The following LRRC7 variants were observed in gnomAD, a reference collection of about 807,000 sequenced individuals.
LRRC7 encodes leucine-rich repeat-containing protein 7.
A neutral mutation model predicts 175.7 loss-of-function variants in LRRC7; 23 were observed. The ratio of observed to expected loss-of-function variants is 0.13; its 90% confidence interval spans 0.09 to 0.19. LRRC7 has a LOEUF of 0.19. Among genes scored for constraint, LRRC7 ranks in the 10% least tolerant of loss-of-function variants. LRRC7 has a pLI of 1.00. For missense variants in LRRC7, 1,354 were observed against 1,904.7 expected (o/e 0.71, Z 5.38); for synonymous variants, 685 against 680.9 (o/e 1.01, Z -0.09).
intron 18 of LRRC7, among the ~76,000 whole-genome samples, chr1:70,035,876 G>A (rs1219898909): frequency 2.0e-5 from 3 of 151,926 alleles, no homozygotes; most frequent in African/African-American, 7.3e-5. Context: ...ACAGTTCATT[G>A]CACAGTGCCA....
At chr1:69,841,958 G>C (rs1196829305) in intron 7 of LRRC7, among the ~76,000 whole-genome samples, 2 of 152,100 alleles carry the variant, frequency 1.3e-5, no homozygotes, top group African/African-American at 4.8e-5. Flanking sequence ...CTCAATAGCT[G>C]ATAGCCCAGA....
chr1:69,627,367 G>C (rs1651765594), intron 1 of LRRC7, among the ~76,000 whole-genome samples: 1 of 152,200 alleles, frequency 6.6e-6, no homozygotes, highest in African/African-American at 2.4e-5. Context: ...CTGCATAAAG[G>C]TCTTCTTTTG....
intron 8 of LRRC7, among the ~76,000 whole-genome samples, chr1:69,934,589 A>G (rs1341551717): frequency 1.3e-5 from 2 of 151,748 alleles, no homozygotes; most frequent in Non-Finnish European, 2.9e-5. Context: ...AAAAAAATAG[A>G]AAGTTAAAAA....
intron 1 of LRRC7, among the ~76,000 whole-genome samples, chr1:69,670,377 CT>C (rs1328943771): frequency 3.3e-5 from 5 of 152,312 alleles, no homozygotes; most frequent in South Asian, 4.1e-4. Flanking sequence ...GTTTCCCTTA[CT>C]TTCTCCCAAA....
At chr1:69,873,394 G>A (rs1049535963) in intron 7 of LRRC7, 10 of 532,578 alleles carry the variant, frequency 1.9e-5, no homozygotes, top group African/African-American at 1.3e-4. Flanking sequence ...AAACCAATTG[G>A]TAATTATTTT....
At chr1:70,028,631 C>T (rs956479633) in intron 18 of LRRC7, among the ~76,000 whole-genome samples, 1 of 152,056 alleles carries the variant, frequency 6.6e-6, no homozygotes, top group Non-Finnish European at 1.5e-5. Context: ...CAAGGCCTGG[C>T]CAGTGAGTGC....
intron 7 of LRRC7, among the ~76,000 whole-genome samples, chr1:69,868,115 A>C (rs375890384): frequency 3.3e-5 from 5 of 152,110 alleles, no homozygotes; most frequent in African/African-American, 1.2e-4. Context: ...AGATTTATTG[A>C]AGTAAGCCAA....
chr1:70,118,079 A>ACG (rs1304562710), intron 26 of LRRC7, among the ~76,000 whole-genome samples: 90 of 151,900 alleles, frequency 5.9e-4, no homozygotes, highest in African/African-American at 2.0e-3. Context: ...ACACACACAC[A>ACG]CACACACACA....
chr1:69,607,759 C>G (rs558952550), intron 1 of LRRC7: 1 of 152,170 alleles, frequency 6.6e-6, no homozygotes, highest in East Asian at 1.9e-4. Context: ...AGGTACAGTT[C>G]TATCAAAGAC....
rs190216788 is a variant in LRRC7, at chr1:69,588,459, G to A, written c.2+19818G>A. Among the ~76,000 whole-genome samples, 573 of 152,164 alleles carry A rather than the reference G, an allele frequency of 3.8e-3. 1 individual carries two copies. The highest frequency in any genetic ancestry group is 6.3e-3 in the Non-Finnish European group (430 of 67,974). ...AGCAGGCCTATATTCTAAATTATAT[G>A]AAATAATATATTAAGCATGTAGTTT... On this transcript the variant is annotated intron_variant, in intron 1 of 26. Coordinates refer to ENST00000651989, the MANE Select transcript of LRRC7 (RefSeq NM_001370785.2).
chr1:69,895,174 G>A (rs1190857720), intron 7 of LRRC7, among the ~76,000 whole-genome samples: 3 of 152,170 alleles, frequency 2.0e-5, no homozygotes, highest in African/African-American at 7.2e-5. Context: ...AGAGGTTGCA[G>A]TAAGCCAAGA....
At position 70,128,364 on chromosome 1, in the gene LRRC7, A is replaced by AT. The variant is rs898120247; in HGVS notation, c.*6484dup. ...AATCTTTCTCTAGTTTTGAAAGTGT[A>AT]TTTTTTTATCACTGTTGCACAAGTG... On this transcript the variant is annotated 3_prime_UTR_variant, in exon 27 of 27. Transcript: ENST00000651989. 3.1e-4 allele frequency among the ~76,000 whole-genome samples: 47 copies of AT among 151,990 alleles called. No homozygotes were observed. Among genetic ancestry groups the AT allele is most frequent in the Non-Finnish European group, 5.7e-4 (39 of 67,970 alleles).
Position 69,650,539 on chromosome 1 carries a change from C to CAA in LRRC7, c.3-27828_3-27827dup, listed in dbSNP as rs574357981. Among the ~76,000 whole-genome samples the CAA allele has an allele frequency of 3.7e-3, 295 of 79,216 alleles. 19 individuals are homozygous for CAA. The highest frequency in any genetic ancestry group is 0.015 in the African/African-American group (278 of 19,024). 52.0% of individuals were successfully genotyped at this position (79,216 alleles called of 152,430 possible). The stretch of plus-strand genomic sequence containing the variant: ...TGGGCGAAAAAGAGAGACTCCGTCT[C>CAA]AAAAAAAAAAAAAAATGCCAAGCAT... On this transcript the variant is annotated intron_variant, in intron 1 of 26. Coordinates refer to ENST00000651989, the MANE Select transcript of LRRC7 (RefSeq NM_001370785.2).
chr1:69,764,893 T>A (rs1041902861), intron 3 of LRRC7, among the ~76,000 whole-genome samples: 5 of 152,068 alleles, frequency 3.3e-5, no homozygotes, highest in Non-Finnish European at 7.4e-5. Context: ...AAGATTTCCA[T>A]GTTAATTTAC....
Position 70,128,023 on chromosome 1 carries a change from G to T in LRRC7, c.*6136G>T, listed in dbSNP as rs151116530. On this transcript the variant is annotated 3_prime_UTR_variant, in exon 27 of 27. Transcript: ENST00000651989. ...GTCACCCAGGCTGGAGTGCAGTAGC[G>T]CTATCTTGGCTCACTGTAACTTCCA... is the stretch of plus-strand genomic sequence containing the variant. 2.0e-5 allele frequency among the ~76,000 whole-genome samples: 3 copies of T among 151,882 alleles called. No homozygotes were observed. The highest frequency in any genetic ancestry group is 7.3e-5 in the African/African-American group (3 of 41,310).
chr1:69,604,281 C>T (rs998038155), intron 1 of LRRC7, among the ~76,000 whole-genome samples: 1 of 152,106 alleles, frequency 6.6e-6, no homozygotes, highest in African/African-American at 2.4e-5. Context: ...TTCTATCCTA[C>T]AAAGTTAATG....
chr1:69,753,191 T>G (rs1488236777), intron 2 of LRRC7, among the ~76,000 whole-genome samples: 1 of 152,054 alleles, frequency 6.6e-6, no homozygotes, highest in Non-Finnish European at 1.5e-5. Flanking sequence ...CTTTTGATAT[T>G]AAAAGATCAC....
intron 3 of LRRC7, among the ~76,000 whole-genome samples, chr1:69,784,932 T>C (rs1674231422): frequency 6.6e-6 from 1 of 152,176 alleles, no homozygotes; most frequent in Admixed American, 6.5e-5. Flanking sequence ...GGTCTTTTTG[T>C]TATGAATTCT....
chr1:69,692,615 C>T (rs1662028704), intron 2 of LRRC7, among the ~76,000 whole-genome samples: 1 of 152,138 alleles, frequency 6.6e-6, no homozygotes, highest in South Asian at 2.1e-4. Context: ...ACTGTCATCT[C>T]AAATTGTGTC....
Sources: allele counts gnomAD v4.1 joint callset (sites outside exome capture counted in the v4.1 genomes callset), GRCh38; gene constraint gnomAD v4.1.1; transcripts MANE v1.5; gene names NCBI Gene and HGNC (gene_info 2026-07-23, HGNC 2026-07-21).